Variants in MYOC observed in about 807,000 individuals in gnomAD.
MYOC encodes the protein juvenile-onset open-angle glaucoma 1.
Under a neutral mutation model 28.2 loss-of-function variants are expected in MYOC, and 29 were observed. The ratio of observed to expected loss-of-function variants is 1.03; its 90% CI spans 0.77 to 1.40. The LOEUF (loss-of-function observed/expected upper bound fraction) is 1.40. MYOC is among the 40% of genes most tolerant of loss of function. MYOC has a pLI of 0.00. For missense variants in MYOC, 569 were observed against 620.6 expected (o/e 0.92, Z 0.88); for synonymous variants, 240 against 245.6 (o/e 0.98, Z 0.21).
chr1:171,647,926 T>C (rs2102949396), intron 1 of MYOC, among the ~76,000 whole-genome samples: 1 of 151,974 alleles, frequency 6.6e-6, no homozygotes, highest in African/African-American at 2.4e-5. Context: ...ATGCCTGTAA[T>C]CCCAGCACTT....
At position 171,635,742 on chromosome 1, in the gene MYOC, C is replaced by T. The variant is rs760411809; in HGVS notation, c.*183G>A. 5.1e-5 allele frequency: 32 copies of T among 633,622 alleles called. 2 individuals are homozygous for T. Among genetic ancestry groups the T allele is most frequent in the South Asian group, 3.5e-4 (19 of 53,684 alleles). The allele number at this position is 633,622 out of a possible 1,614,324, so 39.2% of individuals were successfully genotyped here. On this transcript the variant is annotated 3_prime_UTR_variant, in exon 3 of 3. Coordinates refer to ENST00000037502, the MANE Select transcript of MYOC (RefSeq NM_000261.2). ...GATATTTATTATATGAAATTGTCTACGCCCTCAGACTACAATTCCTGAATA... is the reference window on the plus strand; with the variant it reads ...GATATTTATTATATGAAATTGTCTATGCCCTCAGACTACAATTCCTGAATA...
intron 1 of MYOC, among the ~76,000 whole-genome samples, chr1:171,651,497 T>C (rs1026668579): frequency 2.6e-5 from 4 of 152,190 alleles, no homozygotes; most frequent in Non-Finnish European, 4.4e-5. Flanking sequence ...CAGAACAACA[T>C]ATTAAGAAAA....
At chr1:171,648,631 T>TATTATATATATAATAAATTTTTATATATA (rs1653261342) in intron 1 of MYOC, among the ~76,000 whole-genome samples, 2 of 146,752 alleles carry the variant, frequency 1.4e-5, no homozygotes, top group Non-Finnish European at 3.0e-5. Flanking sequence ...ATATGTATTT[T>TATTATATATATAATAAATTTTTATATATA]ATTATATATA....
chr1:171,635,501 A>G lies in MYOC; in HGVS notation c.*424T>C. On this transcript the variant is annotated 3_prime_UTR_variant, in exon 3 of 3. Coordinates refer to ENST00000037502, the MANE Select transcript of MYOC (RefSeq NM_000261.2). The stretch of plus-strand genomic sequence containing the variant: ...ATCTGAAGCATTAGAAGCCAACTGT[A>G]GTAAATGCATCTTACTTATATTCGA... 1 of 329,904 alleles carries G rather than the reference A, an allele frequency of 3.0e-6. No homozygotes were observed. Among genetic ancestry groups the G allele is most frequent in the Non-Finnish European group, 5.7e-6 (1 of 176,726 alleles). 20.4% of individuals were successfully genotyped at this position (329,904 alleles called of 1,614,324 possible). A position where few individuals can be genotyped will look rare whatever the true frequency, so the allele number is the denominator to read the frequency against.
chr1:171,640,047 C>T (rs80185233), intron 1 of MYOC, among the ~76,000 whole-genome samples: 18,802 of 142,042 alleles, frequency 0.13, 1,284 homozygotes, highest in Middle Eastern at 0.31. Flanking sequence ...CCCAGGTGTT[C>T]AAGACCAGCT....
intron 1 of MYOC, among the ~76,000 whole-genome samples, chr1:171,646,978 T>C (rs1653220034): frequency 6.6e-6 from 1 of 152,204 alleles, no homozygotes; most frequent in South Asian, 2.1e-4. Context: ...GACATAGGCA[T>C]TGTAATAATT....
At chr1:171,647,272 TCCCAGCACTTTGGGAGGCTGAGGCGG>T (rs1653227441) in intron 1 of MYOC, among the ~76,000 whole-genome samples, 1 of 152,206 alleles carries the variant, frequency 6.6e-6, no homozygotes, top group East Asian at 1.9e-4. Flanking sequence ...ATGCCTGTAA[TCCCAGCACTTTGGGAGGCTGAGGCGG>T]GTGGATCACG....
chr1:171,646,347 C>T, intron 1 of MYOC, among the ~76,000 whole-genome samples: 1 of 152,110 alleles, frequency 6.6e-6, no homozygotes, highest in East Asian at 1.9e-4. Context: ...AAAGATGTGT[C>T]AACACTAAAA....
At position 171,652,336 on chromosome 1, in the gene MYOC, G is replaced by T; in HGVS notation, c.276C>A (p.Leu92=). Residue 92 remains leucine, a synonymous_variant, in exon 1 of 3, where the codon CTC becomes CTA. Transcript: ENST00000037502. ...GGTGGAGGAGGCTCTCCAGGGAGCT[G>T]AGTCGAGCTTTGGTGGCCTCCAGGT... ...RLDLEATKAR[L]SSLESLLHQL... is the part of the protein sequence containing the mutation. 6.2e-7 allele frequency: 1 copy of T among 1,610,308 alleles called. No homozygotes were observed. The highest frequency in any genetic ancestry group is 8.5e-7 in the Non-Finnish European group (1 of 1,177,230).
At chr1:171,638,972 T>A (rs572839028) in intron 1 of MYOC, among the ~76,000 whole-genome samples, 11 of 152,308 alleles carry the variant, frequency 7.2e-5, no homozygotes, top group Admixed American at 6.5e-4. Flanking sequence ...GGCAGGTGCC[T>A]ATAATCCCAG....
At position 171,652,412 on chromosome 1, in the gene MYOC, GC is replaced by G; in HGVS notation, c.199del (p.Ala67ProfsTer17). 3 of 1,614,026 alleles carry G rather than the reference GC, an allele frequency of 1.9e-6. No homozygotes were observed. In the South Asian group the frequency reaches 3.3e-5, roughly 18 times the overall value. ...CTGTAAGTTATGGATGACTGACATG[GC>G]CTGGCTCTGCTCTGGGCAGCTGGAT... ...NESSCPEQSQ[A>X]MSVIHNLQRD... On this transcript the variant is annotated frameshift_variant, in exon 1 of 3. Transcript: ENST00000037502. LOFTEE classifies it high-confidence loss of function.
chr1:171,648,030 A>C (rs1653243792), intron 1 of MYOC, among the ~76,000 whole-genome samples: 1 of 151,836 alleles, frequency 6.6e-6, no homozygotes, highest in Non-Finnish European at 1.5e-5. Flanking sequence ...AAAAAAAAAA[A>C]ATACAAAAGT....
chr1:171,649,464 T>C (rs998372754), intron 1 of MYOC, among the ~76,000 whole-genome samples: 3 of 152,216 alleles, frequency 2.0e-5, no homozygotes, highest in Admixed American at 2.0e-4. Flanking sequence ...CTTTAGGGTC[T>C]ATAAACCAGA....
At chr1:171,650,648 C>T (rs956339601) in intron 1 of MYOC, among the ~76,000 whole-genome samples, 2 of 152,138 alleles carry the variant, frequency 1.3e-5, no homozygotes, top group African/African-American at 2.4e-5. Flanking sequence ...GAAGAGCTTG[C>T]CTTTCACGTA....
chr1:171,650,323 C>T (rs1398823771), intron 1 of MYOC, among the ~76,000 whole-genome samples: 1 of 152,168 alleles, frequency 6.6e-6, no homozygotes, highest in African/African-American at 2.4e-5. Context: ...ATGATTCTTT[C>T]AATTGTCTCC....
rs998968146 is a variant in MYOC at position 171,636,261 on chromosome 1, G to C, written c.1179C>G (p.Ser393Arg). 1 of 1,614,132 alleles carries C rather than the reference G, an allele frequency of 6.2e-7. No homozygotes were observed. Among genetic ancestry groups the C allele is most frequent in the African/African-American group, 1.3e-5 (1 of 75,022 alleles). Residue 393 changes from serine to arginine, a missense_variant, in exon 3 of 3, where the codon AGC (serine) becomes AGG (arginine). Coordinates refer to ENST00000037502, the MANE Select transcript of MYOC (RefSeq NM_000261.2). Reference protein sequence around the residue: ...VDEAGLWVIYSTDEAKGAIVL... With the variant: ...VDEAGLWVIYRTDEAKGAIVL... ...CAATGGCACCTTTGGCCTCATCGGT[G>C]CTGTAAATGACCCAGAGGCCTGCTT...
At chr1:171,640,828 G>A (rs1653058769) in intron 1 of MYOC, among the ~76,000 whole-genome samples, 1 of 152,216 alleles carries the variant, frequency 6.6e-6, no homozygotes, top group African/African-American at 2.4e-5. Context: ...CAACATCCCA[G>A]GAGGCAATTG....
At chr1:171,641,209 TA>T (rs35324722) in intron 1 of MYOC, among the ~76,000 whole-genome samples, 1 of 150,796 alleles carries the variant, frequency 6.6e-6, no homozygotes, top group East Asian at 2.0e-4. Context: ...AAAACTGCTC[TA>T]AAAAAAAATT....
rs780460955 is a variant in MYOC, at chr1:171,636,527, T to G, written c.913A>C (p.Ser305Arg). Residue 305 changes from serine (S) to arginine (R), a missense_variant, in exon 3 of 3, where the codon AGC becomes CGC. Physicochemically the swap from Ser to Arg is moderately radical, Grantham distance 110. Transcript: ENST00000037502. ...VRQVFEYDLISQFMQGYPSKV... is the reference protein window; with the variant it reads ...VRQVFEYDLIRQFMQGYPSKV... ...GAAGGGTAGCCCTGCATAAACTGGC[T>G]GATGAGGTCATACTCAAAAACCTGG... The G allele has an allele frequency of 6.2e-7, 1 of 1,609,632 alleles. No homozygotes were observed. Among genetic ancestry groups the G allele is most frequent in the East Asian group, 2.2e-5 (1 of 44,832 alleles).
Sources: gnomAD v4.1 joint callset for allele counts (sites outside exome capture counted in the v4.1 genomes callset) on GRCh38, gnomAD v4.1.1 for gene constraint, MANE v1.5 for transcripts, NCBI Gene and HGNC (gene_info 2026-07-23, HGNC 2026-07-21) for gene names.